The following TPRG1 variants were observed in gnomAD, a reference collection of about 807,000 sequenced individuals.
TPRG1 encodes tumor protein p63-regulated gene 1 protein.
Under a neutral mutation model 29.3 loss-of-function variants are expected in TPRG1, and 29 were observed. The observed-to-expected ratio is 0.99, with a 90% CI of 0.74 to 1.35. TPRG1 has a LOEUF of 1.35. Ranked by LOEUF, TPRG1 falls within the 40% of genes most tolerant of loss-of-function variation. TPRG1 has a pLI of 0.00. For missense variants in TPRG1, 327 were observed against 335.0 expected, an observed-to-expected ratio of 0.98 and a Z score of 0.19; for synonymous variants, 130 against 116.8, an observed-to-expected ratio of 1.11 and a Z score of -0.73.
chr3:189,099,010 G>A (rs551815966), upstream of TPRG1, among the ~76,000 whole-genome samples: 1 of 152,200 alleles, frequency 6.6e-6, no homozygotes, highest in East Asian at 1.9e-4. Context: ...TTTACCCTGC[G>A]TGCTACAGCC....
Position 189,037,716 on chromosome 3 carries a change from C to T in TPRG1, c.-463+13770C>T, listed in dbSNP as rs148286225. Among the ~76,000 whole-genome samples, 1,237 of 151,826 alleles carry T rather than the reference C, an allele frequency of 8.1e-3. 18 individuals are homozygous for T. The highest frequency in any genetic ancestry group is 0.028 in the African/African-American group (1,172 of 41,452). On this transcript the variant is annotated intron_variant, in intron 4 of 10. Coordinates refer to the TPRG1 transcript ENST00000433971. ...ATCATTTATGGAAACTAACAGTCTTCTCCAAGATTTTGTATACAACTAGTA... is the reference window on the plus strand; with the variant it reads ...ATCATTTATGGAAACTAACAGTCTTTTCCAAGATTTTGTATACAACTAGTA...
intron 1 of TPRG1, among the ~76,000 whole-genome samples, chr3:189,126,360 A>G (rs1482709959): frequency 6.6e-6 from 1 of 152,174 alleles, no homozygotes; most frequent in Non-Finnish European, 1.5e-5. Context: ...TAGTTAAGGG[A>G]ATCTGCTCAG....
intron 4 of TPRG1, among the ~76,000 whole-genome samples, chr3:189,082,539 T>A (rs1192747203): frequency 1.3e-5 from 2 of 152,220 alleles, no homozygotes; most frequent in Non-Finnish European, 2.9e-5. Flanking sequence ...TCTGCATACA[T>A]GCCTGTTAAT....
rs554150288 is a variant in TPRG1 at position 189,074,199 on chromosome 3, CTTTT to C, written c.-463+50274_-463+50277del. Among the ~76,000 whole-genome samples the C allele has an allele frequency of 5.0e-3, 337 of 68,068 alleles. 2 individuals carry two copies. The highest frequency in any genetic ancestry group is 0.02 in the African/African-American group (296 of 14,812). The allele number at this position is 68,068 out of a possible 152,430, so 44.7% of individuals were successfully genotyped here. A position where few individuals can be genotyped will look rare whatever the true frequency, so the allele number is the denominator to read the frequency against. The stretch of plus-strand genomic sequence containing the variant: ...TTTTTAATTCTGAGGAATTATTTTC[CTTTT>C]TTTTTTTTTTTTTTTTTTTTGACGT... On this transcript the variant is annotated intron_variant, in intron 4 of 10. Transcript: ENST00000433971.
chr3:189,005,411 C>T (rs139217611), intron 3 of TPRG1, among the ~76,000 whole-genome samples: 88 of 152,158 alleles, frequency 5.8e-4, no homozygotes, highest in African/African-American at 2.0e-3. Context: ...TGAGTCTGAA[C>T]TTTTGGCCCA....
chr3:189,064,758 A>G (rs1716327371), intron 4 of TPRG1, among the ~76,000 whole-genome samples: 1 of 152,228 alleles, frequency 6.6e-6, no homozygotes, highest in Non-Finnish European at 1.5e-5. Flanking sequence ...TTTATGTGCT[A>G]TAAATTCAAC....
chr3:189,129,734 C>T (rs1270304911), intron 2 of TPRG1, among the ~76,000 whole-genome samples: 1 of 152,010 alleles, frequency 6.6e-6, no homozygotes, highest in Non-Finnish European at 1.5e-5. Flanking sequence ...TATTTTAAGT[C>T]CAAGACTATT....
At chr3:189,263,433 C>T (rs1365813218) in intron 4 of TPRG1, among the ~76,000 whole-genome samples, 1 of 152,198 alleles carries the variant, frequency 6.6e-6, no homozygotes, top group Non-Finnish European at 1.5e-5. Flanking sequence ...ACCTGAAGGA[C>T]ATCAAAGTGG....
chr3:189,006,736 T>C (rs142830280), intron 3 of TPRG1, among the ~76,000 whole-genome samples: 7 of 152,228 alleles, frequency 4.6e-5, no homozygotes, highest in African/African-American at 1.4e-4. Flanking sequence ...GTAATTTCTT[T>C]ATATGCCTTA....
chr3:189,272,478 G>A (rs1343501209), intron 4 of TPRG1, among the ~76,000 whole-genome samples: 1 of 151,936 alleles, frequency 6.6e-6, no homozygotes, highest in African/African-American at 2.4e-5. Flanking sequence ...AATATACATC[G>A]AGACTGTTGC....
intron 4 of TPRG1, among the ~76,000 whole-genome samples, chr3:189,043,920 A>G (rs760469575): frequency 2.0e-5 from 3 of 152,182 alleles, no homozygotes; most frequent in Admixed American, 6.5e-5. Flanking sequence ...AGTGCCATCT[A>G]CAGCATTTGA....
intron 3 of TPRG1, among the ~76,000 whole-genome samples, chr3:189,233,127 A>G (rs1018656899): frequency 6.6e-6 from 1 of 151,650 alleles, no homozygotes; most frequent in Non-Finnish European, 1.5e-5. Context: ...AGGAATAGTA[A>G]CTATTTAATA....
intron 4 of TPRG1, among the ~76,000 whole-genome samples, chr3:189,257,771 A>G (rs1712169131): frequency 1.3e-5 from 2 of 151,980 alleles, no homozygotes; most frequent in Admixed American, 1.3e-4. Context: ...TCAATCTCTG[A>G]TATCCTTTCT....
At chr3:189,181,524 AG>A (rs1263794295) in intron 1 of TPRG1, among the ~76,000 whole-genome samples, 3 of 152,212 alleles carry the variant, frequency 2.0e-5, no homozygotes, top group Non-Finnish European at 4.4e-5. Context: ...AAATGCAACC[AG>A]TCTCTTTGCT....
rs1722416596 is a variant in TPRG1 at position 189,125,868 on chromosome 3, TGTG to T, written c.-743-1188_-743-1186del. The stretch of plus-strand genomic sequence containing the variant: ...GTGTGTGTGTGTGTGTGTGTGTGTG[TGTG>T]TTTGGTATATTTAGTTTTATTTTTT... On this transcript the variant is annotated intron_variant, in intron 1 of 6. Coordinates refer to the TPRG1 transcript ENST00000412373. 7.8e-5 allele frequency among the ~76,000 whole-genome samples: 9 copies of T among 115,358 alleles called. No homozygotes were observed. The Admixed American group carries it at 8.3e-4, about 11-fold the overall frequency. The allele number at this position is 115,358 out of a possible 152,430, so 75.7% of individuals were successfully genotyped here.
At chr3:189,053,167 C>T (rs998256537) in intron 4 of TPRG1, among the ~76,000 whole-genome samples, 1 of 152,180 alleles carries the variant, frequency 6.6e-6, no homozygotes, top group African/African-American at 2.4e-5. Flanking sequence ...GCTCCTATAT[C>T]AGCACTTGCT....
At chr3:189,204,877 A>G (rs1226490998) in intron 1 of TPRG1, among the ~76,000 whole-genome samples, 1 of 152,048 alleles carries the variant, frequency 6.6e-6, no homozygotes, top group Admixed American at 6.6e-5. Flanking sequence ...TGCCAGGGAC[A>G]GGAAGGTCAG....
chr3:189,089,899 C>T lies in TPRG1; in HGVS notation c.-462-37158C>T, dbSNP rs866038223. 6.6e-5 allele frequency among the ~76,000 whole-genome samples: 10 copies of T among 151,586 alleles called. No individual in the cohort carries two copies. The Middle Eastern group carries it at 0.017, about 261-fold the overall frequency. On this transcript the variant is annotated intron_variant, in intron 4 of 10. Coordinates refer to the TPRG1 transcript ENST00000433971. ...TAATATTTTTTATTTTGTTTGTCTT[C>T]TTTTTTTTATGAGATTTTTCCAGGA...
chr3:189,206,050 T>TCCTTCCTTC (rs750321003), intron 1 of TPRG1, among the ~76,000 whole-genome samples: 11 of 147,864 alleles, frequency 7.4e-5, no homozygotes, highest in East Asian at 1.9e-4. Flanking sequence ...CTTCCTTTCT[T>TCCTTCCTTC]CTGTCTTTCT....
Sources: gnomAD v4.1 joint callset for allele counts (sites outside exome capture counted in the v4.1 genomes callset) on GRCh38, gnomAD v4.1.1 for gene constraint, MANE v1.5 for transcripts, NCBI Gene and HGNC (gene_info 2026-07-23, HGNC 2026-07-21) for gene names.